Variants in THSD7A observed in about 807,000 individuals in gnomAD.
THSD7A encodes the protein thrombospondin type 1 domain containing 7A, also known as thrombospondin type-1 domain-containing protein 7A.
Under a neutral mutation model 231.3 loss-of-function variants are expected in THSD7A, and 96 were observed. That is an observed-to-expected ratio of 0.41 (90% CI 0.35 to 0.49). The LOEUF is 0.49. THSD7A is among the 20% of genes least tolerant of loss of function. The probability of loss-of-function intolerance (pLI) is 0.05; values close to 1 mark genes in which losing one functional copy is unlikely to be tolerated. For synonymous variants in THSD7A, 940 were observed against 743.3 expected, an observed-to-expected ratio of 1.26 and a Z score of -4.30; for missense variants, 2,290 against 2,070.2, an observed-to-expected ratio of 1.11 and a Z score of -2.06.
rs190866998 is a variant in THSD7A at position 11,677,579 on chromosome 7, G to A, written c.191-40618C>T. ...TGGAAGAAGATTGACCAAGCAAATG[G>A]AAAGCAAAAAAAAAAAAAAAAAAAA... On this transcript the variant is annotated intron_variant, in intron 1 of 27. Coordinates refer to ENST00000423059, the MANE Select transcript of THSD7A (RefSeq NM_015204.3). 5.5e-3 allele frequency among the ~76,000 whole-genome samples: 115 copies of A among 20,832 alleles called. 1 individual carries two copies. In the East Asian group the frequency reaches 0.15, roughly 26 times the overall value. The allele number at this position is 20,832 out of a possible 152,430, so 13.7% of individuals were successfully genotyped here.
intron 2 of THSD7A, among the ~76,000 whole-genome samples, chr7:11,628,919 T>C (rs1476184752): frequency 6.6e-6 from 1 of 152,080 alleles, no homozygotes; most frequent in African/African-American, 2.4e-5. Context: ...ATTAACAAAA[T>C]TGTAGGCATC....
chr7:11,761,864 A>G (rs1169444673), intron 1 of THSD7A, among the ~76,000 whole-genome samples: 2 of 152,024 alleles, frequency 1.3e-5, no homozygotes, highest in African/African-American at 4.8e-5. Context: ...AATAGTGGAC[A>G]TAGTACCCAA....
At chr7:11,807,705 C>G (rs1784433334) in intron 1 of THSD7A, among the ~76,000 whole-genome samples, 1 of 151,990 alleles carries the variant, frequency 6.6e-6, no homozygotes, top group Non-Finnish European at 1.5e-5. Context: ...TTTTATTTTT[C>G]ATGAAAAGAT....
At chr7:11,613,456 T>C (rs1178604164) in intron 2 of THSD7A, among the ~76,000 whole-genome samples, 1 of 152,192 alleles carries the variant, frequency 6.6e-6, no homozygotes, top group Non-Finnish European at 1.5e-5. Flanking sequence ...AGTCATGTGA[T>C]AATAACATAT....
At chr7:11,515,397 C>T (rs1285737340) in intron 6 of THSD7A, among the ~76,000 whole-genome samples, 1 of 152,144 alleles carries the variant, frequency 6.6e-6, no homozygotes, top group Non-Finnish European at 1.5e-5. Context: ...CAATGTTCAA[C>T]TTGACTTCAG....
At chr7:11,545,204 T>A (rs1789327881) in intron 4 of THSD7A, among the ~76,000 whole-genome samples, 3 of 152,266 alleles carry the variant, frequency 2.0e-5, no homozygotes, top group African/African-American at 7.2e-5. Context: ...TAATTTAAAA[T>A]GAGAGGTTTT....
intron 1 of THSD7A, among the ~76,000 whole-genome samples, chr7:11,751,739 G>C (rs1388766011): frequency 6.6e-6 from 1 of 151,830 alleles, no homozygotes; most frequent in Non-Finnish European, 1.5e-5. Context: ...ATAGCCTTAA[G>C]TAATTGTTGC....
intron 1 of THSD7A, among the ~76,000 whole-genome samples, chr7:11,793,747 A>T (rs1041949400): frequency 3.3e-5 from 5 of 151,950 alleles, no homozygotes; most frequent in Non-Finnish European, 1.5e-5. Flanking sequence ...TTAAATTTCA[A>T]CTACTTAAAA....
intron 1 of THSD7A, among the ~76,000 whole-genome samples, chr7:11,648,407 G>T (rs1782364500): frequency 6.6e-6 from 1 of 152,046 alleles, no homozygotes; most frequent in South Asian, 2.1e-4. Flanking sequence ...TGCCATGGGA[G>T]TCTGGGCAAT....
chr7:11,503,432 CACA>C (rs1787419416), intron 6 of THSD7A, among the ~76,000 whole-genome samples: 1 of 151,610 alleles, frequency 6.6e-6, no homozygotes, highest in Non-Finnish European at 1.5e-5. Context: ...TGTCAATTTT[CACA>C]ACAAAAGCAA....
intron 1 of THSD7A, among the ~76,000 whole-genome samples, chr7:11,737,493 C>T (rs1398606809): frequency 6.6e-6 from 1 of 152,036 alleles, no homozygotes; most frequent in Non-Finnish European, 1.5e-5. Context: ...AAATTTACTA[C>T]ACTCACGCAG....
rs1187155428 is a variant in THSD7A at position 11,406,895 on chromosome 7, C to T, written c.4062+15G>A. The T allele has an allele frequency of 2.5e-6, 4 of 1,613,358 alleles. No individual in the cohort carries two copies. Among genetic ancestry groups the T allele is most frequent in the African/African-American group, 2.7e-5 (2 of 74,886 alleles). On this transcript the variant is annotated intron_variant, in intron 21 of 27. Coordinates refer to ENST00000423059, the MANE Select transcript of THSD7A (RefSeq NM_015204.3). The surrounding 1 kb of genome is among the most constrained non-coding windows in gnomAD (Gnocchi z 4.7). ...TAGAGTACACACTTCCTGACAACTT[C>T]TTGAGATTTGATACCTGCACTTGGC...
chr7:11,515,503 C>T (rs6949901), intron 6 of THSD7A, among the ~76,000 whole-genome samples: 37,104 of 151,876 alleles, frequency 0.24, 5,391 homozygotes, highest in African/African-American at 0.41. Context: ...ACAATATCAA[C>T]AATTAATTAT....
chr7:11,737,964 C>G (rs1477330327), intron 1 of THSD7A, among the ~76,000 whole-genome samples: 3 of 151,956 alleles, frequency 2.0e-5, no homozygotes, highest in Admixed American at 6.6e-5. Context: ...AAATGGTAAA[C>G]TGCATGACTC....
rs144974206 is a variant in THSD7A, at chr7:11,596,939, G to A, written c.1023-3437C>T. Among the ~76,000 whole-genome samples the A allele has an allele frequency of 5.8e-3, 877 of 152,358 alleles. 4 individuals are homozygous for A. Among genetic ancestry groups the A allele is most frequent in the Non-Finnish European group, 7.4e-3 (505 of 68,024 alleles). On this transcript the variant is annotated intron_variant, in intron 2 of 27. Transcript: ENST00000423059. ...TTGCCTTCAGCTGGCAAGGCCAGCA[G>A]TATACCTTTACTGTCCTACCTCAGG...
chr7:11,780,276 A>C (rs1051511637), intron 1 of THSD7A, among the ~76,000 whole-genome samples: 1 of 152,176 alleles, frequency 6.6e-6, no homozygotes, highest in Non-Finnish European at 1.5e-5. Flanking sequence ...TGGTATATTT[A>C]GTCTATAACA....
chr7:11,555,848 A>C (rs1022454626), intron 4 of THSD7A, among the ~76,000 whole-genome samples: 1 of 151,596 alleles, frequency 6.6e-6, no homozygotes, highest in Non-Finnish European at 1.5e-5. Context: ...TGTCTCTGGT[A>C]ATTTTCTTTG....
chr7:11,666,031 T>C (rs1783117155), intron 1 of THSD7A, among the ~76,000 whole-genome samples: 1 of 152,104 alleles, frequency 6.6e-6, no homozygotes, highest in Non-Finnish European at 1.5e-5. Flanking sequence ...TTTACTACAC[T>C]GATTCCCAAT....
rs1173436993 is a variant in THSD7A, at chr7:11,406,654, C to T, written c.4063-180G>A. ...AAAGCATACATTGAACAATTTGTTT[C>T]CTAGCTAAAGACAGGAAAATAAATT... On this transcript the variant is annotated intron_variant, in intron 21 of 27. Transcript: ENST00000423059. The surrounding 1 kb of genome is among the most constrained non-coding windows in gnomAD (Gnocchi z 4.7). Among the ~76,000 whole-genome samples, 1 of 152,114 alleles carries T rather than the reference C, an allele frequency of 6.6e-6. No individual in the cohort carries two copies. Among genetic ancestry groups the T allele is most frequent in the Non-Finnish European group, 1.5e-5 (1 of 68,014 alleles).
Sources: allele counts gnomAD v4.1 joint callset (sites outside exome capture counted in the v4.1 genomes callset), GRCh38; gene constraint gnomAD v4.1.1; non-coding constraint Gnocchi (gnomAD v3.1); transcripts MANE v1.5; gene names NCBI Gene and HGNC (gene_info 2026-07-23, HGNC 2026-07-21).